The following RPGRIP1L variants were observed in gnomAD, a reference collection of about 807,000 sequenced individuals.
The protein encoded by RPGRIP1L is RPGRIP1 like.
RPGRIP1L carries 131 observed loss-of-function variants against 160.4 expected under a neutral mutation model. The ratio of observed to expected loss-of-function variants is 0.82; its 90% CI spans 0.71 to 0.94. RPGRIP1L has a LOEUF of 0.94. Ranked by LOEUF, RPGRIP1L falls within the 40% of genes least tolerant of loss-of-function variation. The pLI, the probability that RPGRIP1L is intolerant of heterozygous loss-of-function variation, is 0.00. For synonymous variants in RPGRIP1L, 510 were observed against 515.8 expected, an observed-to-expected ratio of 0.99 and a Z score of 0.15; for missense variants, 1,522 against 1,535.8, an observed-to-expected ratio of 0.99 and a Z score of 0.15.
intron 26 of RPGRIP1L, among the ~76,000 whole-genome samples, chr16:53,602,832 G>C (rs1407521655): frequency 1.3e-5 from 2 of 151,920 alleles, no homozygotes; most frequent in Non-Finnish European, 2.9e-5. Flanking sequence ...GGGAATTTAT[G>C]ATAATCTATA....
intron 1 of RPGRIP1L, chr16:53,703,427 A>C (rs1208014103): frequency 1.3e-5 from 2 of 152,772 alleles, no homozygotes; most frequent in Non-Finnish European, 2.9e-5. Context: ...TAAGCAAACA[A>C]TAGACCACTC....
intron 22 of RPGRIP1L, among the ~76,000 whole-genome samples, chr16:53,629,607 A>G (rs1567812419): frequency 1.3e-5 from 2 of 152,354 alleles, no homozygotes; most frequent in East Asian, 3.8e-4. Context: ...TTTAGTACAG[A>G]ATTAGCTAAC....
chr16:53,675,900 CAGAGA>C (rs1969115126), intron 6 of RPGRIP1L, among the ~76,000 whole-genome samples: 1 of 152,016 alleles, frequency 6.6e-6, no homozygotes, highest in South Asian at 2.1e-4. Flanking sequence ...ATTTTCTTGA[CAGAGA>C]AAAGTTCCTT....
intron 4 of RPGRIP1L, among the ~76,000 whole-genome samples, chr16:53,689,509 A>C (rs554390103): frequency 2.6e-5 from 4 of 152,286 alleles, no homozygotes; most frequent in South Asian, 4.1e-4. Context: ...GTTTCCTCAT[A>C]ATAAGTATTG....
rs774143215 is a variant in RPGRIP1L at position 53,652,919 on chromosome 16, A to T, written c.1768T>A (p.Ser590Thr). ...KFKPEIMPDD[S>T]VDEFDETIHL... is the part of the protein sequence containing the mutation. ...ATGGTTTCATCAAATTCATCAACAG[A>T]GTCATCTGGCATGATTTCTGGTTTA... Residue 590 changes from serine to threonine, a missense_variant, in exon 15 of 27, where the codon TCT becomes ACT. Transcript: ENST00000647211. 6 of 1,613,422 alleles carry T rather than the reference A, an allele frequency of 3.7e-6. No individual in the cohort carries two copies. The South Asian group carries it at 6.6e-5, about 18-fold the overall frequency.
In RPGRIP1L at chr16:53,692,251, A is replaced by C; in HGVS notation, c.344T>G (p.Leu115Arg). The change falls in exon 4 of 27, where the codon CTG becomes CGG. Residue 115 changes from leucine (L) to arginine (R), a missense_variant. Transcript: ENST00000647211. ...DVEMEEMIEQ[L>R]QEKVHELEKQ... is the part of the protein sequence containing the mutation. Reference sequence around the variant, plus strand: ...TTCAAGCTCATGAACTTTCTCTTGCAGCTGCTCAATCATTTCTTCCATTTC... The same window carrying C: ...TTCAAGCTCATGAACTTTCTCTTGCCGCTGCTCAATCATTTCTTCCATTTC... The C allele has an allele frequency of 6.2e-7, 1 of 1,614,196 alleles. No homozygotes were observed. The highest frequency in any genetic ancestry group is 8.5e-7 in the Non-Finnish European group (1 of 1,180,046).
Position 53,617,073 on chromosome 16 carries a change from C to CAAAAAAAA in RPGRIP1L, c.3616+1944_3616+1951dup, listed in dbSNP as rs397945611. 5.5e-4 allele frequency among the ~76,000 whole-genome samples: 12 copies of CAAAAAAAA among 21,838 alleles called. 1 individual carries two copies. The highest frequency in any genetic ancestry group is 1.8e-3 in the African/African-American group (5 of 2,750). 14.3% of individuals were successfully genotyped at this position (21,838 alleles called of 152,430 possible). On this transcript the variant is annotated intron_variant, in intron 24 of 26. Coordinates refer to ENST00000647211, the MANE Select transcript of RPGRIP1L (RefSeq NM_015272.5). ...GGCAATAGCACCAGACCTTGCATCA[C>CAAAAAAAA]AAAAAAAAAAAAAAAAAAAAAAAAA... is the stretch of plus-strand genomic sequence containing the variant.
intron 6 of RPGRIP1L, among the ~76,000 whole-genome samples, chr16:53,676,583 T>C (rs1408665451): frequency 6.6e-6 from 1 of 152,190 alleles, no homozygotes; most frequent in East Asian, 1.9e-4. Context: ...TCTTTTCATA[T>C]ATTTCCAGTT....
At chr16:53,603,505 T>A (rs890206878) in intron 26 of RPGRIP1L, among the ~76,000 whole-genome samples, 8 of 152,074 alleles carry the variant, frequency 5.3e-5, no homozygotes, top group African/African-American at 1.7e-4. Flanking sequence ...ACTTATATAT[T>A]TTCTTGTAGA....
intron 24 of RPGRIP1L, among the ~76,000 whole-genome samples, chr16:53,611,296 A>C (rs908808641): frequency 1.3e-5 from 2 of 152,236 alleles, no homozygotes; most frequent in African/African-American, 4.8e-5. Context: ...AACATCTAAG[A>C]GTGCCACATC....
chr16:53,693,178 G>A (rs1380219012), intron 3 of RPGRIP1L: 2 of 152,292 alleles, frequency 1.3e-5, no homozygotes, highest in East Asian at 3.9e-4. Flanking sequence ...AGAAAGAAAA[G>A]GTGGCTTTGA....
In RPGRIP1L at chr16:53,637,869, GCA is replaced by G. The variant is rs773208174; in HGVS notation, c.3061-17_3061-16del. ...TCTTGTGAAACCTGAAGAAATCAAA[GCA>G]CACTGGTATATTTATAATTGCTTAG... On this transcript the variant is annotated splice_polypyrimidine_tract_variant and intron_variant, in intron 20 of 26. Coordinates refer to ENST00000647211, the MANE Select transcript of RPGRIP1L (RefSeq NM_015272.5). 2 of 1,609,376 alleles carry G rather than the reference GCA, an allele frequency of 1.2e-6. No homozygotes were observed. The highest frequency in any genetic ancestry group is 2.2e-5 in the South Asian group (2 of 90,988).
intron 24 of RPGRIP1L, among the ~76,000 whole-genome samples, chr16:53,618,379 A>C (rs1412737074): frequency 6.6e-6 from 1 of 152,246 alleles, no homozygotes; most frequent in Non-Finnish European, 1.5e-5. Flanking sequence ...ATATGATTAA[A>C]AAATGACTTC....
intron 26 of RPGRIP1L, among the ~76,000 whole-genome samples, chr16:53,604,273 T>C (rs531920679): frequency 1.3e-5 from 2 of 152,212 alleles, no homozygotes; most frequent in South Asian, 4.1e-4. Context: ...ACTTGACACA[T>C]ACCTAGGACA....
At chr16:53,668,622 G>C (rs1056637074) in intron 9 of RPGRIP1L, among the ~76,000 whole-genome samples, 5 of 152,114 alleles carry the variant, frequency 3.3e-5, no homozygotes, top group African/African-American at 9.7e-5. Flanking sequence ...ATACATTATA[G>C]TTTAGGAACC....
rs1243570373 is a variant in RPGRIP1L at position 53,652,546 on chromosome 16, G to C, written c.2141C>G (p.Ala714Gly). Reference sequence around the variant, plus strand: ...TACATTGTACTTACCAATCAAACTTGCTGTACAAAATATTCGGCCGCTTTT... The same window carrying C: ...TACATTGTACTTACCAATCAAACTTCCTGTACAAAATATTCGGCCGCTTTT... The part of the protein sequence containing the change: ...LEKSGRIFCT[A>G]SLIGTKGDIP... Residue 714 changes from alanine to glycine, a missense_variant, in exon 15 of 27, where the codon GCA becomes GGA. Ala to Gly is a moderately conservative substitution (Grantham distance 60). Transcript: ENST00000647211. The C allele has an allele frequency of 1.8e-5, 29 of 1,612,596 alleles. No homozygotes were observed. Among genetic ancestry groups the C allele is most frequent in the Middle Eastern group, 1.6e-4 (1 of 6,082 alleles).
At chr16:53,689,971 C>T (rs1045156838) in intron 4 of RPGRIP1L, among the ~76,000 whole-genome samples, 6 of 152,112 alleles carry the variant, frequency 3.9e-5, no homozygotes, top group Non-Finnish European at 8.8e-5. Flanking sequence ...TAGGGAGAAA[C>T]TTCCAGCAAA....
At chr16:53,662,056 T>C (rs1252830871) in intron 10 of RPGRIP1L, among the ~76,000 whole-genome samples, 1 of 152,174 alleles carries the variant, frequency 6.6e-6, no homozygotes, top group Non-Finnish European at 1.5e-5. Flanking sequence ...CTGTACAAGA[T>C]GAAAAATAAC....
intron 26 of RPGRIP1L, among the ~76,000 whole-genome samples, chr16:53,603,905 A>C (rs1452632150): frequency 1.3e-5 from 2 of 151,906 alleles, no homozygotes; most frequent in African/African-American, 2.4e-5. Flanking sequence ...CCTCACTTAT[A>C]CCTAATCTTT....
Sources: allele counts gnomAD v4.1 joint callset (sites outside exome capture counted in the v4.1 genomes callset), GRCh38; gene constraint gnomAD v4.1.1; transcripts MANE v1.5; gene names NCBI Gene and HGNC (gene_info 2026-07-23, HGNC 2026-07-21).